The following MAPK10 variants were observed in gnomAD, a reference collection of about 807,000 sequenced individuals.
The protein encoded by MAPK10 is mitogen-activated protein kinase 10.
In MAPK10, 25 loss-of-function variants were observed where a neutral mutation model predicts 59.3. That is an observed-to-expected ratio of 0.42 (90% CI 0.31 to 0.59). The LOEUF (loss-of-function observed/expected upper bound fraction) is 0.59, where lower values mean the gene tolerates loss of function less well. MAPK10 is among the 20% of genes least tolerant of loss of function. The pLI, the probability that MAPK10 is intolerant of heterozygous loss-of-function variation, is 0.15. For missense variants in MAPK10, 351 were observed against 568.9 expected, an observed-to-expected ratio of 0.62 and a Z score of 3.90; for synonymous variants, 190 against 200.5, an observed-to-expected ratio of 0.95 and a Z score of 0.44.
In MAPK10 at chr4:86,461,378, T is replaced by C. The variant is rs117741466; in HGVS notation, c.-262-106734A>G. Among the ~76,000 whole-genome samples, 121 of 152,284 alleles carry C rather than the reference T, an allele frequency of 7.9e-4. 2 individuals are homozygous for C. In the East Asian group the frequency reaches 0.022, roughly 27 times the overall value. ...AAGTCACAGGTGGAGTCAAAGATTT[T>C]CTGATTGGCAGTTAGTTGAAATCAT... On this transcript the variant is annotated intron_variant, in intron 1 of 4. Coordinates refer to the MAPK10 transcript ENST00000502302.
intron 13 of MAPK10, chr4:86,025,026 G>A (rs549278877): frequency 6.6e-6 from 1 of 152,578 alleles, no homozygotes; most frequent in African/African-American, 2.4e-5. Context: ...TTGTTTCATG[G>A]GAATGGTTCC....
intron 4 of MAPK10, among the ~76,000 whole-genome samples, chr4:86,141,547 A>G (rs1199470529): frequency 6.6e-6 from 1 of 152,222 alleles, no homozygotes. Context: ...AAAGAAATTA[A>G]CATTGCGCTA....
intron 2 of MAPK10, among the ~76,000 whole-genome samples, chr4:86,224,818 G>A (rs1025950085): frequency 6.6e-6 from 1 of 152,062 alleles, no homozygotes; most frequent in South Asian, 2.1e-4. Flanking sequence ...TTCTGAAATG[G>A]AAGTATAAAA....
chr4:86,158,435 T>C (rs2149226278), intron 4 of MAPK10, among the ~76,000 whole-genome samples: 1 of 151,952 alleles, frequency 6.6e-6, no homozygotes, highest in East Asian at 1.9e-4. Flanking sequence ...TAAAAGTGTT[T>C]GTGTTTTTAA....
At chr4:86,087,070 T>C (rs1347030192) in intron 9 of MAPK10, among the ~76,000 whole-genome samples, 1 of 152,146 alleles carries the variant, frequency 6.6e-6, no homozygotes, top group Admixed American at 6.6e-5. Flanking sequence ...CCCTAAAGCA[T>C]TGTTTACAAG....
chr4:86,350,060 TTG>T (rs1448628178), intron 2 of MAPK10, among the ~76,000 whole-genome samples: 1 of 152,096 alleles, frequency 6.6e-6, no homozygotes, highest in Non-Finnish European at 1.5e-5. Context: ...ATTTTTTGTT[TTG>T]TGTGTGTGCG....
chr4:86,164,464 T>C (rs917073193), intron 3 of MAPK10: 1 of 152,168 alleles, frequency 6.6e-6, no homozygotes, highest in Non-Finnish European at 1.5e-5. Flanking sequence ...GGTTTTGATT[T>C]ATTAATCTCA....
intron 1 of MAPK10, among the ~76,000 whole-genome samples, chr4:86,435,001 G>T (rs902736798): frequency 6.6e-6 from 1 of 152,156 alleles, no homozygotes; most frequent in Non-Finnish European, 1.5e-5. Context: ...CAACATGGAC[G>T]AAACTGGAGG....
chr4:86,119,256 C>G (rs188442684), intron 4 of MAPK10, among the ~76,000 whole-genome samples: 1 of 152,114 alleles, frequency 6.6e-6, no homozygotes, highest in East Asian at 1.9e-4. Flanking sequence ...GAGGGCCCTA[C>G]GCACTTTTGC....
intron 4 of MAPK10, chr4:86,119,583 C>CAAAAAAAAAAAAA (rs1200405289): frequency 1.9e-5 from 1 of 52,672 alleles, no homozygotes; most frequent in Non-Finnish European, 4.7e-5. Context: ...GACTCCATCA[C>CAAAAAAAAAAAAA]AAAAAAAAAA....
intron 1 of MAPK10, among the ~76,000 whole-genome samples, chr4:86,421,559 A>G (rs1247870911): frequency 2.6e-5 from 4 of 152,182 alleles, no homozygotes. Flanking sequence ...TGTATCTAAA[A>G]AAGAAAGTAG....
intron 1 of MAPK10, among the ~76,000 whole-genome samples, chr4:86,516,451 GA>G (rs1220669948): frequency 1.3e-5 from 2 of 152,076 alleles, no homozygotes; most frequent in Non-Finnish European, 2.9e-5. Flanking sequence ...CAATTGCATT[GA>G]ATTTATACAT....
At chr4:86,583,300 G>T (rs1175965037) in intron 1 of MAPK10, among the ~76,000 whole-genome samples, 2 of 152,024 alleles carry the variant, frequency 1.3e-5, no homozygotes, top group African/African-American at 4.8e-5. Context: ...TGGGATTACA[G>T]GCGTGAGTCA....
chr4:86,578,579 A>T (rs1762052562), intron 1 of MAPK10, among the ~76,000 whole-genome samples: 1 of 152,218 alleles, frequency 6.6e-6, no homozygotes, highest in Non-Finnish European at 1.5e-5. Context: ...AAAAGACCTG[A>T]AGCACTATTT....
chr4:86,233,996 C>A (rs1167770634), intron 2 of MAPK10, among the ~76,000 whole-genome samples: 1 of 152,038 alleles, frequency 6.6e-6, no homozygotes, highest in African/African-American at 2.4e-5. Context: ...TTCTTCAAAC[C>A]AAGAAGAATG....
chr4:86,522,062 G>T (rs964396576), intron 1 of MAPK10, among the ~76,000 whole-genome samples: 13 of 152,098 alleles, frequency 8.5e-5, no homozygotes, highest in African/African-American at 2.7e-4. Flanking sequence ...TTTCACCTGG[G>T]TCCCTAAATC....
At chr4:86,436,072 TAACTTC>T (rs1748681072) in intron 1 of MAPK10, among the ~76,000 whole-genome samples, 1 of 152,124 alleles carries the variant, frequency 6.6e-6, no homozygotes, top group Non-Finnish European at 1.5e-5. Context: ...CAAGATGAAA[TAACTTC>T]AGAGAAAACT....
At chr4:86,564,832 T>G (rs1291752625) in intron 1 of MAPK10, among the ~76,000 whole-genome samples, 2 of 152,120 alleles carry the variant, frequency 1.3e-5, no homozygotes, top group Non-Finnish European at 2.9e-5. Flanking sequence ...CTCAAGCTAC[T>G]CTGGAGAGTA....
At chr4:86,592,354 A>AT (rs1040058880) in intron 1 of MAPK10, among the ~76,000 whole-genome samples, 1 of 134,802 alleles carries the variant, frequency 7.4e-6, no homozygotes, top group African/African-American at 2.6e-5. Context: ...AATGGCCTTA[A>AT]TAAAAAAAAA....
Sources: gnomAD v4.1 joint callset for allele counts (sites outside exome capture counted in the v4.1 genomes callset) on GRCh38, gnomAD v4.1.1 for gene constraint, MANE v1.5 for transcripts, NCBI Gene and HGNC (gene_info 2026-07-23, HGNC 2026-07-21) for gene names.